SYT9: variants seen among roughly 807,000 people sequenced by gnomAD.
SYT9 encodes the protein synaptotagmin 9, also known as synaptotagmin-9.
Under a neutral mutation model 48.4 loss-of-function variants are expected in SYT9, and 22 were observed. The ratio of observed to expected loss-of-function variants is 0.45; its 90% CI spans 0.32 to 0.65. The LOEUF is 0.65. SYT9 is among the 30% of genes least tolerant of loss of function. The probability of loss-of-function intolerance (pLI) is 0.03; values close to 1 mark genes in which losing one functional copy is unlikely to be tolerated. For missense variants in SYT9, 577 were observed against 622.0 expected (o/e 0.93, Z 0.77); for synonymous variants, 265 against 245.0 (o/e 1.08, Z -0.76).
At chr11:7,265,775 T>C (rs1848169289) in intron 1 of SYT9, among the ~76,000 whole-genome samples, 1 of 152,006 alleles carries the variant, frequency 6.6e-6, no homozygotes, top group Non-Finnish European at 1.5e-5. Flanking sequence ...AGCTGTAGGA[T>C]GTAACTGTAG....
At chr11:7,247,540 TAC>T (rs778343977), upstream of SYT9, among the ~76,000 whole-genome samples, 3 of 143,934 alleles carry the variant, frequency 2.1e-5, no homozygotes, top group Admixed American at 2.2e-4. Flanking sequence ...TACATATATA[TAC>T]ACGTATACAT....
chr11:7,287,746 T>C (rs1848622348), intron 1 of SYT9, among the ~76,000 whole-genome samples: 1 of 152,164 alleles, frequency 6.6e-6, no homozygotes, highest in Non-Finnish European at 1.5e-5. Context: ...ACATGATAAA[T>C]AATGATGACT....
At chr11:7,450,660 G>A (rs1169129871) in intron 6 of SYT9, among the ~76,000 whole-genome samples, 1 of 152,156 alleles carries the variant, frequency 6.6e-6, no homozygotes, top group Admixed American at 6.5e-5. Context: ...GTCCAAATGC[G>A]GACTTACTTC....
At chr11:7,319,192 C>CTTTTTTTTTTTTTTTTTTTTTTT (rs71056795) in intron 3 of SYT9, among the ~76,000 whole-genome samples, 1 of 86,188 alleles carries the variant, frequency 1.2e-5, no homozygotes, top group African/African-American at 4.5e-5. Flanking sequence ...TCTTCTTTTT[C>CTTTTTTTTTTTTTTTTTTTTTTT]TTTTTTTTTT....
In SYT9 at chr11:7,252,372, T is replaced by C. The variant is rs1465996242; in HGVS notation, c.145+41T>C. ...GCCGCCTGGAGGGACCTAAGGGCCCTGGGCTGGGACTTGGGGCCGCACCGG... is the reference window on the plus strand; with the variant it reads ...GCCGCCTGGAGGGACCTAAGGGCCCCGGGCTGGGACTTGGGGCCGCACCGG... On this transcript the variant is annotated intron_variant, in intron 1 of 6. Transcript: ENST00000318881. This position sits in a 1 kb window ranked among gnomAD's most constrained non-coding sequence, Gnocchi z 6.3. 3 of 1,397,046 alleles carry C rather than the reference T, an allele frequency of 2.1e-6. No individual in the cohort carries two copies. Among genetic ancestry groups the C allele is most frequent in the Non-Finnish European group, 2.8e-6 (3 of 1,073,838 alleles). 86.5% of individuals were successfully genotyped at this position (1,397,046 alleles called of 1,614,324 possible).
chr11:7,344,255 G>A (rs1024239968), intron 3 of SYT9, among the ~76,000 whole-genome samples: 9 of 150,572 alleles, frequency 6.0e-5, no homozygotes, highest in South Asian at 2.1e-4. Flanking sequence ...TTTTTTTTTC[G>A]TTTTTATTAT....
chr11:7,426,485 A>G (rs116870407), intron 6 of SYT9, among the ~76,000 whole-genome samples: 1,600 of 152,212 alleles, frequency 0.011, 18 homozygotes, highest in Non-Finnish European at 0.015. Flanking sequence ...CTAACAACCA[A>G]TACTCTCACA....
chr11:7,272,889 A>G (rs1485907472), intron 1 of SYT9, among the ~76,000 whole-genome samples: 2 of 152,182 alleles, frequency 1.3e-5, no homozygotes, highest in Admixed American at 1.3e-4. Context: ...TTGAAGTGGC[A>G]TGTGACCTTA....
intron 3 of SYT9, chr11:7,314,278 A>G (rs1260634080): frequency 2.2e-6 from 1 of 451,770 alleles, no homozygotes; most frequent in Non-Finnish European, 4.3e-6. Flanking sequence ...GCTGAATGGA[A>G]CCTGGCATTC....
At chr11:7,262,775 A>G (rs1387284328) in intron 1 of SYT9, among the ~76,000 whole-genome samples, 1 of 152,146 alleles carries the variant, frequency 6.6e-6, no homozygotes, top group Non-Finnish European at 1.5e-5. Flanking sequence ...GGTGGGAACA[A>G]GAGCCTGATT....
intron 1 of SYT9, among the ~76,000 whole-genome samples, chr11:7,302,719 G>A (rs1196359665): frequency 2.6e-5 from 4 of 152,192 alleles, no homozygotes; most frequent in African/African-American, 9.6e-5. Context: ...GTAGGATAGA[G>A]TCTCATTTAA....
intron 6 of SYT9, among the ~76,000 whole-genome samples, chr11:7,453,640 G>A (rs998296041): frequency 1.3e-5 from 2 of 152,224 alleles, no homozygotes; most frequent in Non-Finnish European, 2.9e-5. Flanking sequence ...GCACTCCTTT[G>A]TGCTGGGTGG....
At chr11:7,306,239 A>T (rs1849028587) in intron 2 of SYT9, among the ~76,000 whole-genome samples, 1 of 152,190 alleles carries the variant, frequency 6.6e-6, no homozygotes. Context: ...TGGATCCCCA[A>T]AATAGAAGGA....
chr11:7,322,446 G>C (rs1402889771), intron 3 of SYT9, among the ~76,000 whole-genome samples: 2 of 152,156 alleles, frequency 1.3e-5, no homozygotes, highest in Non-Finnish European at 2.9e-5. Context: ...CTACTGAGCT[G>C]TATCTTTATG....
intron 1 of SYT9, among the ~76,000 whole-genome samples, chr11:7,280,777 A>ACT (rs1353415137): frequency 0.026 from 2,138 of 83,066 alleles, 42 homozygotes; most frequent in African/African-American, 0.085. Context: ...AGATGTAAGT[A>ACT]AGATACTATA....
chr11:7,275,464 C>G (rs1424492241), intron 1 of SYT9, among the ~76,000 whole-genome samples: 1 of 152,168 alleles, frequency 6.6e-6, no homozygotes, highest in Non-Finnish European at 1.5e-5. Flanking sequence ...CTTGAATTTG[C>G]AACACCAAAT....
At chr11:7,415,239 G>C (rs1000140365) in intron 3 of SYT9, among the ~76,000 whole-genome samples, 2 of 152,190 alleles carry the variant, frequency 1.3e-5, no homozygotes, top group Admixed American at 6.5e-5. Flanking sequence ...TGCGGGACTA[G>C]GCGAGTACTT....
chr11:7,248,315 G>T (rs1283768642), upstream of SYT9, among the ~76,000 whole-genome samples: 3 of 151,664 alleles, frequency 2.0e-5, no homozygotes, highest in Non-Finnish European at 4.4e-5. Flanking sequence ...CTGTGCAAAA[G>T]CTCTTTAGTT....
At position 7,345,357 on chromosome 11, in the gene SYT9, T is replaced by A. The variant is rs573718983; in HGVS notation, c.1044+31416T>A. 3.9e-5 allele frequency among the ~76,000 whole-genome samples: 6 copies of A among 152,376 alleles called. No homozygotes were observed. The South Asian group carries it at 1.2e-3, about 32-fold the overall frequency. The stretch of plus-strand genomic sequence containing the variant: ...TTTCCTGTCACTCAAGGATCACATA[T>A]CTTCATTACCTGATGTCCAATCATT... On this transcript the variant is annotated intron_variant, in intron 3 of 6. Coordinates refer to ENST00000318881, the MANE Select transcript of SYT9 (RefSeq NM_175733.4).
Sources: allele counts gnomAD v4.1 joint callset (sites outside exome capture counted in the v4.1 genomes callset), GRCh38; gene constraint gnomAD v4.1.1; non-coding constraint Gnocchi (gnomAD v3.1); transcripts MANE v1.5; gene names NCBI Gene and HGNC (gene_info 2026-07-23, HGNC 2026-07-21).